The following UBE2E3 variants were observed in gnomAD, a reference collection of about 807,000 sequenced individuals.
UBE2E3 encodes ubiquitin conjugating enzyme E2 E3, also known as ubiquitin-conjugating enzyme E2 E3.
A neutral mutation model predicts 23.6 loss-of-function variants in UBE2E3; 5 were observed. That is an observed-to-expected ratio of 0.21 (90% CI 0.11 to 0.44). The LOEUF (loss-of-function observed/expected upper bound fraction) is 0.44, where lower values mean the gene tolerates loss of function less well. Among genes scored for constraint, UBE2E3 ranks in the 20% least tolerant of loss-of-function variants. The pLI is 0.99. For synonymous variants in UBE2E3, 78 were observed against 87.5 expected, an observed-to-expected ratio of 0.89 and a Z score of 0.60; for missense variants, 81 against 249.8, an observed-to-expected ratio of 0.32 and a Z score of 4.55.
intron 3 of UBE2E3, among the ~76,000 whole-genome samples, chr2:181,012,018 G>C (rs1685344253): frequency 6.6e-6 from 1 of 152,112 alleles, no homozygotes; most frequent in Non-Finnish European, 1.5e-5. Flanking sequence ...TTATGTGGAA[G>C]CATAGCTCCG....
chr2:181,002,446 CTT>C (rs1272787654), intron 3 of UBE2E3, among the ~76,000 whole-genome samples: 2 of 152,080 alleles, frequency 1.3e-5, no homozygotes, highest in East Asian at 1.9e-4. Context: ...TGAAGACAAA[CTT>C]AGGAATGATT....
intron 4 of UBE2E3, among the ~76,000 whole-genome samples, chr2:181,060,347 G>A (rs1395235802): frequency 6.6e-6 from 1 of 151,636 alleles, no homozygotes; most frequent in Non-Finnish European, 1.5e-5. Flanking sequence ...CTGTATGTAT[G>A]TGTACACACA....
intron 3 of UBE2E3, among the ~76,000 whole-genome samples, chr2:181,006,559 A>T (rs1229223184): frequency 6.6e-6 from 1 of 152,122 alleles, no homozygotes. Context: ...CATGTTAAAT[A>T]TTAGGAACAT....
chr2:181,054,346 A>G (rs1047833447), intron 3 of UBE2E3, among the ~76,000 whole-genome samples: 3 of 151,738 alleles, frequency 2.0e-5, no homozygotes, highest in Non-Finnish European at 4.4e-5. Flanking sequence ...ACCATTTTGT[A>G]TTCTCCACTA....
intron 3 of UBE2E3, among the ~76,000 whole-genome samples, chr2:181,000,191 TATAA>T (rs1049124257): frequency 6.6e-6 from 1 of 152,230 alleles, no homozygotes; most frequent in Non-Finnish European, 1.5e-5. Flanking sequence ...CTCACTGTAT[TATAA>T]AACAAACACC....
chr2:181,001,236 A>G (rs772176103), intron 3 of UBE2E3, among the ~76,000 whole-genome samples: 1 of 152,218 alleles, frequency 6.6e-6, no homozygotes, highest in Non-Finnish European at 1.5e-5. Context: ...ACTACATTTA[A>G]TGTAAATTAG....
chr2:181,032,890 CAG>C (rs949209260), intron 3 of UBE2E3, among the ~76,000 whole-genome samples: 1 of 152,158 alleles, frequency 6.6e-6, no homozygotes, highest in Non-Finnish European at 1.5e-5. Flanking sequence ...ACACCAATAA[CAG>C]ACGCAGAGCC....
intron 3 of UBE2E3, among the ~76,000 whole-genome samples, chr2:181,046,003 T>C (rs1042190896): frequency 6.6e-6 from 1 of 152,212 alleles, no homozygotes; most frequent in Admixed American, 6.6e-5. Context: ...TAATTTTGTG[T>C]TGTTCAGTAT....
intron 3 of UBE2E3, among the ~76,000 whole-genome samples, chr2:180,989,418 A>G (rs1044020840): frequency 3.3e-5 from 5 of 152,192 alleles, no homozygotes; most frequent in East Asian, 1.9e-4. Flanking sequence ...AGGCAAAACA[A>G]TGACTTCAGA....
chr2:180,985,725 T>C, intron 3 of UBE2E3, among the ~76,000 whole-genome samples: 1 of 152,166 alleles, frequency 6.6e-6, no homozygotes, highest in East Asian at 1.9e-4. Flanking sequence ...TTTCCCATTA[T>C]GAAAAATGTA....
At chr2:181,030,352 C>T (rs981111796) in intron 3 of UBE2E3, among the ~76,000 whole-genome samples, 30 of 151,826 alleles carry the variant, frequency 2.0e-4, no homozygotes, top group Admixed American at 5.9e-4. Context: ...CTTGCTCTGT[C>T]GCCCAGGCTG....
At chr2:180,981,864 C>G (rs918768664) in intron 1 of UBE2E3, among the ~76,000 whole-genome samples, 154 bp from the exon 2 acceptor site, 1 of 149,026 alleles carries the variant, frequency 6.7e-6, no homozygotes, top group Non-Finnish European at 1.5e-5. Context: ...ACATCACCTC[C>G]CTTGTACGTA....
chr2:180,994,388 G>A (rs552549860), intron 3 of UBE2E3, among the ~76,000 whole-genome samples: 156 of 151,972 alleles, frequency 1.0e-3, no homozygotes, highest in African/African-American at 3.4e-3. Flanking sequence ...CTATGCCTCC[G>A]TCCATTTCAC....
intron 3 of UBE2E3, among the ~76,000 whole-genome samples, chr2:181,025,525 ATTC>A (rs1475991650): frequency 1.3e-5 from 2 of 151,842 alleles, no homozygotes; most frequent in African/African-American, 4.8e-5. Flanking sequence ...ATTTAAGGGT[ATTC>A]TTTTAGAAGA....
chr2:180,990,504 C>T (rs902772885), intron 3 of UBE2E3, among the ~76,000 whole-genome samples: 1 of 152,204 alleles, frequency 6.6e-6, no homozygotes, highest in African/African-American at 2.4e-5. Flanking sequence ...TCACTTCCTG[C>T]TACTTCTATG....
At chr2:180,996,019 T>A (rs1684812192) in intron 3 of UBE2E3, among the ~76,000 whole-genome samples, 1 of 152,168 alleles carries the variant, frequency 6.6e-6, no homozygotes, top group Non-Finnish European at 1.5e-5. Flanking sequence ...CTAGTATCCT[T>A]TTCAGAATGA....
intron 3 of UBE2E3, among the ~76,000 whole-genome samples, chr2:181,028,427 A>T (rs904795121): frequency 6.6e-6 from 1 of 152,086 alleles, no homozygotes; most frequent in Non-Finnish European, 1.5e-5. Flanking sequence ...TATATCTAAG[A>T]GTGGAATAGG....
chr2:181,059,049 T>C (rs1243154719), intron 4 of UBE2E3, among the ~76,000 whole-genome samples: 1 of 151,754 alleles, frequency 6.6e-6, no homozygotes, highest in Non-Finnish European at 1.5e-5. Context: ...CTGTATATGA[T>C]TTGCCGTAAT....
At chr2:181,018,015 A>G (rs4414647) in intron 3 of UBE2E3, among the ~76,000 whole-genome samples, 58,580 of 151,016 alleles carry the variant, frequency 0.39, 11,960 homozygotes, top group East Asian at 0.56. Flanking sequence ...CTTTCTACCT[A>G]GAAGACCACC....
Sources: gnomAD v4.1 joint callset for allele counts (sites outside exome capture counted in the v4.1 genomes callset) on GRCh38, gnomAD v4.1.1 for gene constraint, MANE v1.5 for transcripts, NCBI Gene and HGNC (gene_info 2026-07-23, HGNC 2026-07-21) for gene names.